The following GSE1 variants were observed in gnomAD, a reference collection of about 807,000 sequenced individuals.
GSE1 encodes the protein genetic suppressor element 1.
Under a neutral mutation model 112.6 loss-of-function variants are expected in GSE1, and 32 were observed. The ratio of observed to expected loss-of-function variants is 0.28; its 90% CI spans 0.21 to 0.38. GSE1 has a LOEUF of 0.38. GSE1 is among the 10% of genes least tolerant of loss of function. The pLI is 1.00. For missense variants in GSE1, 2,348 were observed against 1,699.2 expected (o/e 1.38, Z -6.71); for synonymous variants, 1,115 against 735.6 (o/e 1.52, Z -8.35).
intron 2 of GSE1, among the ~76,000 whole-genome samples, chr16:85,400,673 GTC>G (rs1352544508): frequency 2.2e-4 from 34 of 151,484 alleles, no homozygotes; most frequent in African/African-American, 7.5e-4. Context: ...TGTTGCGTGT[GTC>G]TCTGTGTGTT....
intron 2 of GSE1, among the ~76,000 whole-genome samples, chr16:85,517,143 G>A (rs941580855): frequency 2.6e-5 from 4 of 152,132 alleles, no homozygotes; most frequent in Non-Finnish European, 4.4e-5. Context: ...TTCTGCCTTC[G>A]TTGTGGGCAG....
chr16:85,519,427 T>TCACCATCACCAC (rs1243002798), intron 2 of GSE1, among the ~76,000 whole-genome samples: 4 of 13,764 alleles, frequency 2.9e-4, no homozygotes, highest in Admixed American at 6.3e-4. Flanking sequence ...ACTATCATCA[T>TCACCATCACCAC]CACCATCACC....
At chr16:85,276,189 G>A (rs1435272640) in intron 1 of GSE1, among the ~76,000 whole-genome samples, 1 of 152,256 alleles carries the variant, frequency 6.6e-6, no homozygotes, top group Non-Finnish European at 1.5e-5. Context: ...TGTTGTTTCC[G>A]CCTTGCGGCG....
At chr16:85,240,520 G>A (rs1905086119) in intron 1 of GSE1, among the ~76,000 whole-genome samples, 1 of 152,246 alleles carries the variant, frequency 6.6e-6, no homozygotes, top group Admixed American at 6.5e-5. Flanking sequence ...CGCAGCCCAG[G>A]AGTCCTGGCA....
chr16:85,323,712 C>T (rs1386263843), intron 1 of GSE1, among the ~76,000 whole-genome samples: 2 of 152,158 alleles, frequency 1.3e-5, no homozygotes, highest in African/African-American at 2.4e-5. Flanking sequence ...TGTCCAGGGC[C>T]GGCCCCAAGG....
chr16:85,203,554 G>A (rs2075066224), intron 1 of GSE1, among the ~76,000 whole-genome samples: 1 of 152,208 alleles, frequency 6.6e-6, no homozygotes, highest in Non-Finnish European at 1.5e-5. Flanking sequence ...GCAGGACACG[G>A]AAGGGGAGGA....
At chr16:85,483,090 C>G (rs546630356) in intron 2 of GSE1, among the ~76,000 whole-genome samples, 2 of 152,252 alleles carry the variant, frequency 1.3e-5, no homozygotes, top group East Asian at 3.9e-4. Context: ...ACAAATTATT[C>G]AAAGTATTGT....
Position 85,602,692 on chromosome 16 carries a change from C to T in GSE1, c.38-45860C>T, listed in dbSNP as rs369714689. On this transcript the variant is annotated intron_variant, in intron 1 of 2. Transcript: ENST00000635906. ...GGACCACGAAGCCAGAGGAAAGCCC[C>T]TCACCCAGCCTGAGGACAGCCGGTT... Among the ~76,000 whole-genome samples, 3 of 152,228 alleles carry T rather than the reference C, an allele frequency of 2.0e-5. No individual in the cohort carries two copies. The East Asian group carries it at 5.8e-4, about 29-fold the overall frequency.
At position 85,656,397 on chromosome 16, in the gene GSE1, GCGTGAGCGTGAGGCTGAC is replaced by G; in HGVS notation, c.1047_1064del (p.Ala353_Glu358del). 6.8e-7 allele frequency: 1 copy of G among 1,464,356 alleles called. No homozygotes were observed. The highest frequency in any genetic ancestry group is 2.3e-5 in the East Asian group (1 of 43,276). 90.7% of individuals were successfully genotyped at this position (1,464,356 alleles called of 1,614,324 possible). ...AGAGGGAGCGCGAGCGCGAGCGCGA[GCGTGAGCGTGAGGCTGAC>G]CGCGAGCGGGAGAAGGAACGTGAGC... On this transcript the variant is annotated inframe_deletion, in exon 7 of 16. Coordinates refer to ENST00000253458, the MANE Select transcript of GSE1 (RefSeq NM_014615.5).
At chr16:85,302,455 C>T (rs996522795) in intron 1 of GSE1, among the ~76,000 whole-genome samples, 4 of 151,946 alleles carry the variant, frequency 2.6e-5, no homozygotes, top group Non-Finnish European at 5.9e-5. Flanking sequence ...ACCGCCCCCC[C>T]CCGCCCCCAC....
exon 1 of GSE1, chr16:85,169,960 AGCGCCACCG>A: frequency 4.1e-6 from 4 of 984,422 alleles, no homozygotes; most frequent in Non-Finnish European, 4.8e-6. Flanking sequence ...CGCGCTGGGC[AGCGCCACCG>A]GCGACGACGA....
At chr16:85,527,291 T>C (rs2052395027) in intron 2 of GSE1, among the ~76,000 whole-genome samples, 1 of 152,170 alleles carries the variant, frequency 6.6e-6, no homozygotes, top group Non-Finnish European at 1.5e-5. Flanking sequence ...AAGGGCGTCA[T>C]GTGAGGCGGG....
At chr16:85,339,767 G>C (rs956463691) in intron 1 of GSE1, among the ~76,000 whole-genome samples, 2 of 152,114 alleles carry the variant, frequency 1.3e-5, no homozygotes, top group Non-Finnish European at 1.5e-5. Context: ...TTATGCCAGG[G>C]GACGGCGTCT....
chr16:85,316,182 A>G (rs1210742146), intron 1 of GSE1, among the ~76,000 whole-genome samples: 3 of 152,332 alleles, frequency 2.0e-5, no homozygotes, highest in African/African-American at 7.2e-5. Flanking sequence ...CACCTATTCC[A>G]TTTTCAGTTT....
chr16:85,613,214 T>G (rs2048111094), upstream of GSE1: 3 of 1,476,664 alleles, frequency 2.0e-6, no homozygotes, highest in Non-Finnish European at 2.7e-6. Flanking sequence ...CGTTTGGGTG[T>G]GTCCTCGGCG....
upstream of GSE1, chr16:85,555,881 C>A: frequency 1.3e-6 from 1 of 795,884 alleles, no homozygotes; most frequent in Non-Finnish European, 1.5e-6. Flanking sequence ...CCAATTTCAT[C>A]ACCCTCACCT....
At chr16:85,517,052 C>T (rs1463387936) in intron 2 of GSE1, among the ~76,000 whole-genome samples, 1 of 152,326 alleles carries the variant, frequency 6.6e-6, no homozygotes, top group East Asian at 1.9e-4. Flanking sequence ...CCATCTCGGC[C>T]TCCCAAAGTG....
At position 85,657,554 on chromosome 16, in the gene GSE1, C is replaced by G. The variant is rs781242726; in HGVS notation, c.1590C>G (p.Gly530=). Residue 530 remains glycine, a synonymous_variant, in exon 8 of 16, where the codon GGC becomes GGG. Coordinates refer to ENST00000253458, the MANE Select transcript of GSE1 (RefSeq NM_014615.5). Reference sequence around the variant, plus strand: ...TGCTGGAGCAGCACCTGGATATGGGCCGGCCCCCGGTGCCGGCGGAGGCAG... The same window carrying G: ...TGCTGGAGCAGCACCTGGATATGGGGCGGCCCCCGGTGCCGGCGGAGGCAG... ...QQVLEQHLDM[G]RPPVPAEAEH... is the part of the protein sequence containing the mutation. The G allele has an allele frequency of 5.1e-6, 8 of 1,582,592 alleles. No homozygotes were observed. The African/African-American group carries it at 9.5e-5, about 19-fold the overall frequency.
At chr16:85,197,431 C>A (rs1386205445) in intron 1 of GSE1, among the ~76,000 whole-genome samples, 2 of 152,204 alleles carry the variant, frequency 1.3e-5, no homozygotes, top group African/African-American at 2.4e-5. Flanking sequence ...TTGCTTACAG[C>A]GTCTTTAACT....
Sources: gnomAD v4.1 joint callset for allele counts (sites outside exome capture counted in the v4.1 genomes callset) on GRCh38, gnomAD v4.1.1 for gene constraint, MANE v1.5 for transcripts, NCBI Gene and HGNC (gene_info 2026-07-23, HGNC 2026-07-21) for gene names.